Variants in MED13L observed in about 807,000 individuals in gnomAD.
The protein encoded by MED13L is mediator complex subunit 13L, also known as mediator of RNA polymerase II transcription subunit 13-like.
MED13L carries 7 observed loss-of-function variants against 220.9 expected under a neutral mutation model. That is an observed-to-expected ratio of 0.03 (90% CI 0.02 to 0.06). The LOEUF (loss-of-function observed/expected upper bound fraction) is 0.06, where lower values mean the gene tolerates loss of function less well. MED13L is among the 10% of genes least tolerant of loss of function. The probability of loss-of-function intolerance (pLI) is 1.00; values close to 1 mark genes in which losing one functional copy is unlikely to be tolerated. For synonymous variants in MED13L, 1,011 were observed against 1,015.2 expected, an observed-to-expected ratio of 1.00 and a Z score of 0.08; for missense variants, 1,965 against 2,760.5, an observed-to-expected ratio of 0.71 and a Z score of 6.46.
intron 16 of MED13L, among the ~76,000 whole-genome samples, chr12:115,995,268 G>C (rs1379122117): frequency 6.6e-6 from 1 of 152,130 alleles, no homozygotes; most frequent in Admixed American, 6.5e-5. Flanking sequence ...AGCATCAGTA[G>C]TACCAACTCT....
At chr12:116,068,829 C>G (rs1307486735) in intron 4 of MED13L, among the ~76,000 whole-genome samples, 1 of 141,148 alleles carries the variant, frequency 7.1e-6, no homozygotes, top group Non-Finnish European at 1.5e-5. Context: ...TACACTACCA[C>G]TGGCATCACC....
intron 2 of MED13L, chr12:116,232,009 C>G: frequency 1.1e-6 from 1 of 884,710 alleles, no homozygotes; most frequent in Non-Finnish European, 1.4e-6. Context: ...AAAATGCCCA[C>G]TTGCAATGAG....
chr12:116,147,727 G>A (rs1877647374), intron 2 of MED13L, among the ~76,000 whole-genome samples: 1 of 151,864 alleles, frequency 6.6e-6, no homozygotes, highest in Admixed American at 6.6e-5. Flanking sequence ...GAACGGTTGG[G>A]TATTTACACT....
At chr12:116,155,315 T>TG (rs1002706077) in intron 2 of MED13L, among the ~76,000 whole-genome samples, 5 of 152,000 alleles carry the variant, frequency 3.3e-5, no homozygotes, top group Non-Finnish European at 7.4e-5. Context: ...CCCAGCTACT[T>TG]GGGAAACTGA....
chr12:116,135,684 T>C (rs975217232), intron 2 of MED13L, among the ~76,000 whole-genome samples: 1 of 152,122 alleles, frequency 6.6e-6, no homozygotes, highest in African/African-American at 2.4e-5. Context: ...CCTAATGCTA[T>C]CAAGGAACCA....
chr12:116,225,612 TGA>T (rs1167281717), intron 2 of MED13L, among the ~76,000 whole-genome samples: 3 of 152,226 alleles, frequency 2.0e-5, no homozygotes, highest in Non-Finnish European at 2.9e-5. Context: ...GAAATTTAAC[TGA>T]GAGTATCGAA....
intron 2 of MED13L, among the ~76,000 whole-genome samples, chr12:116,116,913 G>A (rs1191181063): frequency 1.3e-5 from 2 of 149,604 alleles, no homozygotes; most frequent in Non-Finnish European, 3.0e-5. Context: ...ATCCTTCTAG[G>A]TATATACTCA....
intron 2 of MED13L, among the ~76,000 whole-genome samples, chr12:116,199,327 G>A (rs1012785124): frequency 3.5e-4 from 53 of 152,252 alleles, no homozygotes; most frequent in African/African-American, 1.2e-3. Flanking sequence ...CCCAATCTCA[G>A]CCATTTCTGC....
intron 4 of MED13L, 70 bp from the exon 5 acceptor site, chr12:116,022,671 A>T: frequency 1.3e-6 from 2 of 1,498,820 alleles, no homozygotes; most frequent in Admixed American, 1.9e-5. Flanking sequence ...CAGGAACTAC[A>T]GGTAAGATAC....
chr12:116,014,637 C>T (rs995180269), intron 8 of MED13L, among the ~76,000 whole-genome samples: 1 of 152,082 alleles, frequency 6.6e-6, no homozygotes, highest in Non-Finnish European at 1.5e-5. Flanking sequence ...AGGAGCACGG[C>T]AGATAATAAA....
chr12:116,163,034 G>A (rs1007473995), intron 2 of MED13L, among the ~76,000 whole-genome samples: 5 of 152,110 alleles, frequency 3.3e-5, no homozygotes, highest in Admixed American at 2.0e-4. Flanking sequence ...CCACCATGCC[G>A]AGTTTAAATA....
chr12:116,121,299 A>T (rs1031699588), intron 2 of MED13L, among the ~76,000 whole-genome samples: 2 of 152,310 alleles, frequency 1.3e-5, no homozygotes, highest in East Asian at 3.9e-4. Context: ...TTGCAATATA[A>T]CTTCTTTCAA....
At position 115,991,716 on chromosome 12, in the gene MED13L, C is replaced by T. The variant is rs779519573; in HGVS notation, c.3238G>A (p.Gly1080Arg). Reference sequence around the variant, plus strand: ...GTAGAGGGGGTGGAGGCTGGTGATCCTTGATCGGTGCTATCATACTTAACA... The same window carrying T: ...GTAGAGGGGGTGGAGGCTGGTGATCTTTGATCGGTGCTATCATACTTAACA... ...GSVKYDSTDQ[G>R]SPASTPSTTR... The change falls in exon 17 of 31, where the codon GGA becomes AGA. Residue 1080 changes from glycine to arginine, a missense_variant. By Grantham distance (125) the Gly-to-Arg change is moderately radical. Around this residue, in one of 10 missense-constraint regions of MED13L, gnomAD observed 233 missense variants for 306.2 expected, o/e 0.76. Transcript: ENST00000281928. The surrounding 1 kb of genome is among the most constrained non-coding windows in gnomAD (Gnocchi z 7.7). 2 of 1,613,708 alleles carry T rather than the reference C, an allele frequency of 1.2e-6. No homozygotes were observed. Among genetic ancestry groups the T allele is most frequent in the Non-Finnish European group, 1.7e-6 (2 of 1,179,792 alleles).
chr12:116,206,074 C>CTTTTTTTTTTTTT (rs1160337465), intron 2 of MED13L, among the ~76,000 whole-genome samples: 2 of 87,190 alleles, frequency 2.3e-5, no homozygotes, highest in Non-Finnish European at 4.2e-5. Context: ...GTATTATTAC[C>CTTTTTTTTTTTTT]TTTTTTTTTT....
At chr12:116,007,661 A>AC in intron 10 of MED13L, 25 bp from the exon 11 acceptor site, 1 of 1,573,060 alleles carries the variant, frequency 6.4e-7, no homozygotes, top group Non-Finnish European at 8.6e-7. Flanking sequence ...AAAAAAAAAA[A>AC]AAAAGAGCAT....
At chr12:116,029,000 C>A (rs1880563511) in intron 4 of MED13L, among the ~76,000 whole-genome samples, 1 of 152,118 alleles carries the variant, frequency 6.6e-6, no homozygotes, top group Non-Finnish European at 1.5e-5. Flanking sequence ...TAACCCAACG[C>A]TGAAGCACCT....
At chr12:116,069,795 A>T (rs903560021) in intron 4 of MED13L, among the ~76,000 whole-genome samples, 12 of 152,210 alleles carry the variant, frequency 7.9e-5, no homozygotes, top group African/African-American at 2.9e-4. Context: ...TGTTTAATGC[A>T]CAAAAATCAC....
At chr12:116,147,782 T>A (rs922332842) in intron 2 of MED13L, among the ~76,000 whole-genome samples, 5 of 152,096 alleles carry the variant, frequency 3.3e-5, no homozygotes, top group African/African-American at 1.2e-4. Context: ...ACAGTGAACA[T>A]GTGCTAATTT....
chr12:116,184,942 G>C (rs1229251069), intron 2 of MED13L, among the ~76,000 whole-genome samples: 1 of 152,076 alleles, frequency 6.6e-6, no homozygotes, highest in Non-Finnish European at 1.5e-5. Context: ...CAGTGTTTGG[G>C]TTTCAAAAGA....
Sources: allele counts gnomAD v4.1 joint callset (sites outside exome capture counted in the v4.1 genomes callset), GRCh38; gene constraint gnomAD v4.1.1; regional missense constraint gnomAD v4.1.1; non-coding constraint Gnocchi (gnomAD v3.1); transcripts MANE v1.5; gene names NCBI Gene and HGNC (gene_info 2026-07-23, HGNC 2026-07-21).